Variants in PRICKLE1 observed in about 807,000 individuals in gnomAD.
PRICKLE1 encodes the protein prickle planar cell polarity protein 1.
Under a neutral mutation model 70.2 loss-of-function variants are expected in PRICKLE1, and 14 were observed. The ratio of observed to expected loss-of-function variants is 0.20; its 90% confidence interval spans 0.13 to 0.31. The LOEUF (loss-of-function observed/expected upper bound fraction) is 0.31, where lower values mean the gene tolerates loss of function less well. PRICKLE1 is among the 10% of genes least tolerant of loss of function. PRICKLE1 has a pLI of 1.00. For missense variants in PRICKLE1, 821 were observed against 1,026.2 expected, an observed-to-expected ratio of 0.80 and a Z score of 2.73; for synonymous variants, 357 against 379.9, an observed-to-expected ratio of 0.94 and a Z score of 0.70.
intron 1 of PRICKLE1, among the ~76,000 whole-genome samples, chr12:42,500,108 C>CA (rs1189156721): frequency 6.6e-6 from 1 of 152,062 alleles, no homozygotes; most frequent in Non-Finnish European, 1.5e-5. Flanking sequence ...CAATGATTGT[C>CA]AGTCTCATTT....
chr12:42,491,224 T>C (rs1939098511), intron 1 of PRICKLE1, among the ~76,000 whole-genome samples: 1 of 151,620 alleles, frequency 6.6e-6, no homozygotes, highest in African/African-American at 2.4e-5. Flanking sequence ...TAAAATAGAG[T>C]ATTTAAAAAT....
At position 42,570,092 on chromosome 12, in the gene PRICKLE1, G is replaced by C. The variant is rs189003999; in HGVS notation, c.-49+19373C>G. Among the ~76,000 whole-genome samples the C allele has an allele frequency of 2.7e-3, 408 of 152,374 alleles. 2 individuals carry two copies. The highest frequency in any genetic ancestry group is 9.2e-3 in the African/African-American group (384 of 41,590). On this transcript the variant is annotated intron_variant, in intron 1 of 7. Transcript: ENST00000345127. ...TCATTAGCCAATCTGAATTGGAATA[G>C]TGCATGACACCTGAGCGGTTATGAC...
At chr12:42,569,071 T>G (rs1435585688) in intron 1 of PRICKLE1, among the ~76,000 whole-genome samples, 1 of 152,254 alleles carries the variant, frequency 6.6e-6, no homozygotes, top group Non-Finnish European at 1.5e-5. Flanking sequence ...GAATATCCTT[T>G]CATACTACTT....
chr12:42,498,164 T>C (rs1939241057), intron 1 of PRICKLE1, among the ~76,000 whole-genome samples: 1 of 142,856 alleles, frequency 7.0e-6, no homozygotes, highest in African/African-American at 2.8e-5. Flanking sequence ...TCTTTTTTTC[T>C]TTTCTCTCTC....
chr12:42,521,610 G>C (rs1475518698), intron 1 of PRICKLE1, among the ~76,000 whole-genome samples: 1 of 152,044 alleles, frequency 6.6e-6, no homozygotes, highest in Non-Finnish European at 1.5e-5. Context: ...TGAGGTCGGG[G>C]GGATCGCTTA....
intron 1 of PRICKLE1, among the ~76,000 whole-genome samples, chr12:42,523,970 T>C (rs1241655030): frequency 1.3e-5 from 2 of 152,246 alleles, no homozygotes; most frequent in Non-Finnish European, 2.9e-5. Context: ...TGTGTTGAAT[T>C]CATTTATGAC....
intron 1 of PRICKLE1, among the ~76,000 whole-genome samples, chr12:42,514,387 T>C (rs1000980797): frequency 6.6e-6 from 1 of 151,834 alleles, no homozygotes; most frequent in Admixed American, 6.6e-5. Flanking sequence ...GGTTCTTCAG[T>C]GGAAGAAGAA....
intron 1 of PRICKLE1, among the ~76,000 whole-genome samples, chr12:42,523,667 G>T (rs1440415008): frequency 1.3e-5 from 2 of 152,096 alleles, no homozygotes; most frequent in African/African-American, 4.8e-5. Flanking sequence ...AAAAAATCTG[G>T]GTCACATTAT....
chr12:42,487,815 G>A (rs895814337), intron 1 of PRICKLE1, among the ~76,000 whole-genome samples: 1 of 152,182 alleles, frequency 6.6e-6, no homozygotes, highest in Non-Finnish European at 1.5e-5. Context: ...GGAGGCCAAG[G>A]CGGGTGGATC....
At chr12:42,461,862 C>T (rs1593102338) in intron 7 of PRICKLE1, among the ~76,000 whole-genome samples, 1 of 151,284 alleles carries the variant, frequency 6.6e-6, no homozygotes, top group Non-Finnish European at 1.5e-5. Context: ...GCAGTGGCAC[C>T]ATCTCAGCTC....
At chr12:42,487,918 C>T (rs532878008) in intron 1 of PRICKLE1, among the ~76,000 whole-genome samples, 11 of 152,134 alleles carry the variant, frequency 7.2e-5, no homozygotes, top group South Asian at 4.1e-4. Context: ...TGGTGGCGGG[C>T]GCCTGTAGTC....
chr12:42,542,314 T>TA, intron 1 of PRICKLE1, among the ~76,000 whole-genome samples: 1 of 152,278 alleles, frequency 6.6e-6, no homozygotes, highest in East Asian at 1.9e-4. Flanking sequence ...CATAATGTTA[T>TA]TACATATTTA....
In PRICKLE1 at chr12:42,491,243, A is replaced by G. The variant is rs1006310365; in HGVS notation, c.-48-18679T>C. 3.3e-5 allele frequency among the ~76,000 whole-genome samples: 5 copies of G among 151,706 alleles called. No homozygotes were observed. In the East Asian group the frequency reaches 9.8e-4, roughly 30 times the overall value. The stretch of plus-strand genomic sequence containing the variant: ...ATAGAGTATTTAAAAATATTACACT[A>G]TTTACATGTAATGTTAAAAAGCTCA... On this transcript the variant is annotated intron_variant, in intron 1 of 7. Coordinates refer to ENST00000345127, the MANE Select transcript of PRICKLE1 (RefSeq NM_153026.3).
chr12:42,578,360 C>A (rs1038397038), intron 1 of PRICKLE1, among the ~76,000 whole-genome samples: 17 of 152,204 alleles, frequency 1.1e-4, no homozygotes, highest in African/African-American at 3.9e-4. Context: ...ACATCACAAG[C>A]CTCTCTGAAG....
intron 1 of PRICKLE1, among the ~76,000 whole-genome samples, chr12:42,555,799 A>G (rs937017235): frequency 3.9e-5 from 6 of 152,202 alleles, no homozygotes; most frequent in Non-Finnish European, 5.9e-5. Context: ...AATGGCCATT[A>G]TTTCTGCATA....
At chr12:42,512,883 T>G (rs535525188) in intron 1 of PRICKLE1, among the ~76,000 whole-genome samples, 1 of 152,272 alleles carries the variant, frequency 6.6e-6, no homozygotes, top group African/African-American at 2.4e-5. Context: ...AGGCATTGAC[T>G]TCTCTTCTCA....
chr12:42,554,879 C>CT (rs1940387410), intron 1 of PRICKLE1, among the ~76,000 whole-genome samples: 1 of 147,724 alleles, frequency 6.8e-6, no homozygotes. Context: ...TGGACTAGAA[C>CT]TTATTTTTTT....
At chr12:42,469,762 G>C in intron 3 of PRICKLE1, 175 bp from the exon 4 acceptor site, 1 of 739,984 alleles carries the variant, frequency 1.4e-6, no homozygotes. Context: ...TCTAGAAAAA[G>C]GGAAATGCAA....
chr12:42,474,966 T>C (rs995182848), intron 1 of PRICKLE1, among the ~76,000 whole-genome samples: 2 of 152,228 alleles, frequency 1.3e-5, no homozygotes, highest in African/African-American at 4.8e-5. Context: ...AGCACAAAGA[T>C]ACAGATTGCC....
Sources: gnomAD v4.1 joint callset for allele counts (sites outside exome capture counted in the v4.1 genomes callset) on GRCh38, gnomAD v4.1.1 for gene constraint, MANE v1.5 for transcripts, NCBI Gene and HGNC (gene_info 2026-07-23, HGNC 2026-07-21) for gene names.